Variants in WNT2B observed in about 807,000 individuals in gnomAD.
WNT2B encodes protein Wnt-2b.
Under a neutral mutation model 40.5 loss-of-function variants are expected in WNT2B, and 19 were observed. The observed-to-expected ratio is 0.47, with a 90% CI of 0.33 to 0.69. The LOEUF is 0.69. Among genes scored for constraint, WNT2B ranks in the 30% least tolerant of loss-of-function variants. WNT2B has a pLI of 0.02. For missense variants in WNT2B, 467 were observed against 556.4 expected (o/e 0.84, Z 1.62); for synonymous variants, 220 against 211.9 (o/e 1.04, Z -0.33).
chr1:112,476,889 G>T (rs917989662), intron 1 of WNT2B, among the ~76,000 whole-genome samples: 1 of 152,174 alleles, frequency 6.6e-6, no homozygotes, highest in Non-Finnish European at 1.5e-5. Context: ...GCTGCTACAT[G>T]TATGATGGAC....
intron 1 of WNT2B, among the ~76,000 whole-genome samples, chr1:112,503,265 AG>A (rs1177290776): frequency 6.6e-6 from 1 of 152,178 alleles, no homozygotes; most frequent in African/African-American, 2.4e-5. Flanking sequence ...TCGGTCCCAC[AG>A]AAGGAACTAG....
In WNT2B at chr1:112,525,954, A is replaced by G; in HGVS notation, c.*5445A>G. ...GTGAGGTAGGGGTTACTGTCACTTT[A>G]CAGATGCTGTTCAGAAAAATTTGGT... On this transcript the variant is annotated 3_prime_UTR_variant, in exon 5 of 5. Coordinates refer to ENST00000369684, the MANE Select transcript of WNT2B (RefSeq NM_024494.3). The G allele has an allele frequency of 1.2e-6, 2 of 1,607,694 alleles. No individual in the cohort carries two copies.
chr1:112,493,573 G>C (rs942064548), intron 1 of WNT2B, among the ~76,000 whole-genome samples: 1 of 151,816 alleles, frequency 6.6e-6, no homozygotes, highest in Non-Finnish European at 1.5e-5. Flanking sequence ...AATGAGCTGT[G>C]ATCACACCCT....
Position 112,517,030 on chromosome 1 carries a change from A to G in WNT2B, c.682-91A>G. ...GGCCAGCCAGGGCCAGGTCCAGCCT[A>G]TCTCAGAGCACTCATCCTTTTGGAC... On this transcript the variant is annotated intron_variant, in intron 3 of 4. Transcript: ENST00000369684. 6 of 1,526,164 alleles carry G rather than the reference A, an allele frequency of 3.9e-6. No homozygotes were observed. The East Asian group carries it at 9.1e-5, about 23-fold the overall frequency. The allele number at this position is 1,526,164 out of a possible 1,614,324, so 94.5% of individuals were successfully genotyped here. A position where few individuals can be genotyped will look rare whatever the true frequency, so the allele number is the denominator to read the frequency against.
rs1035272489 is a variant in WNT2B at position 112,526,522 on chromosome 1, C to G, written c.*6013C>G. 1.3e-5 allele frequency: 2 copies of G among 157,660 alleles called. No individual in the cohort carries two copies. The highest frequency in any genetic ancestry group is 4.8e-5 in the African/African-American group (2 of 41,576). 9.8% of individuals were successfully genotyped at this position (157,660 alleles called of 1,614,324 possible). ...TGGGAGGCCGAGGTGGGGCAGATCACGAGGTCAGGAGATTGAGACCATCCT... is the reference window on the plus strand; with the variant it reads ...TGGGAGGCCGAGGTGGGGCAGATCAGGAGGTCAGGAGATTGAGACCATCCT... On this transcript the variant is annotated 3_prime_UTR_variant, in exon 5 of 5. Transcript: ENST00000369684.
At chr1:112,508,703 C>T, upstream of WNT2B, 1 of 985,374 alleles carries the variant, frequency 1.0e-6, no homozygotes, top group Non-Finnish European at 1.2e-6. This position sits in a 1 kb window ranked among gnomAD's most constrained non-coding sequence, Gnocchi z 4.2. Flanking sequence ...CGCTAGGACC[C>T]GGTGGCGCGG....
intron 1 of WNT2B, among the ~76,000 whole-genome samples, chr1:112,512,318 A>G (rs1652382293): frequency 6.6e-6 from 1 of 152,204 alleles, no homozygotes; most frequent in South Asian, 2.1e-4. Flanking sequence ...ATTGAATTGA[A>G]CAAAACCGAC....
intron 1 of WNT2B, among the ~76,000 whole-genome samples, chr1:112,503,656 C>G (rs1224531973): frequency 1.3e-5 from 2 of 151,998 alleles, no homozygotes; most frequent in African/African-American, 4.8e-5. Context: ...GAGAGATACA[C>G]ACGGAGAGAC....
intron 1 of WNT2B, among the ~76,000 whole-genome samples, chr1:112,497,181 A>G (rs1326093349): frequency 1.3e-5 from 2 of 152,162 alleles, no homozygotes; most frequent in Non-Finnish European, 2.9e-5. Flanking sequence ...TTGCAAGTCC[A>G]TGCCTCAACG....
intron 1 of WNT2B, among the ~76,000 whole-genome samples, chr1:112,477,608 A>C (rs1651090517): frequency 6.6e-6 from 1 of 152,228 alleles, no homozygotes. Context: ...TGGTGGCTAC[A>C]AGAAGACACT....
chr1:112,523,228 T>G lies in WNT2B; in HGVS notation c.*2719T>G, dbSNP rs1652976262. 6.6e-6 allele frequency: 1 copy of G among 152,266 alleles called. No homozygotes were observed. The highest frequency in any genetic ancestry group is 2.4e-5 in the African/African-American group (1 of 41,462). 9.4% of individuals were successfully genotyped at this position (152,266 alleles called of 1,614,324 possible). On this transcript the variant is annotated 3_prime_UTR_variant, in exon 5 of 5. Transcript: ENST00000369684. ...GGCCTCTTCTGGCATCTCATGCTAC[T>G]CTGTGCTTTTCCTTGGGCTCCAAAT... is the stretch of plus-strand genomic sequence containing the variant.
chr1:112,516,458 G>C lies in WNT2B; in HGVS notation c.681+41G>C. 3 of 1,576,662 alleles carry C rather than the reference G, an allele frequency of 1.9e-6. No individual in the cohort carries two copies. The South Asian group carries it at 3.5e-5, about 19-fold the overall frequency. ...TGTGTAAGTACACTCATATTTGCTG[G>C]GGGTGACCAGTGTGTGTGACCATGG... On this transcript the variant is annotated intron_variant, in intron 3 of 4. Coordinates refer to ENST00000369684, the MANE Select transcript of WNT2B (RefSeq NM_024494.3).
rs775086012 is a variant in WNT2B at position 112,524,107 on chromosome 1, C to G, written c.*3598C>G. The G allele has an allele frequency of 6.6e-6, 1 of 152,542 alleles. No homozygotes were observed. Among genetic ancestry groups the G allele is most frequent in the African/African-American group, 2.4e-5 (1 of 41,444 alleles). The allele number at this position is 152,542 out of a possible 1,614,324, so 9.4% of individuals were successfully genotyped here. A position where few individuals can be genotyped will look rare whatever the true frequency, so the allele number is the denominator to read the frequency against. ...TTTCTGAACACTCACTGCTTCATTT[C>G]TATTCCTCCTGTTGCAGGGAGTAAT... On this transcript the variant is annotated 3_prime_UTR_variant, in exon 5 of 5. Transcript: ENST00000369684.
intron 1 of WNT2B, among the ~76,000 whole-genome samples, chr1:112,494,959 T>C (rs998861676): frequency 6.6e-6 from 1 of 151,610 alleles, no homozygotes; most frequent in Non-Finnish European, 1.5e-5. Context: ...CACATGCTTA[T>C]GTACAAGTGA....
At chr1:112,501,196 G>T (rs1651940549) in intron 1 of WNT2B, among the ~76,000 whole-genome samples, 1 of 152,156 alleles carries the variant, frequency 6.6e-6, no homozygotes, top group Non-Finnish European at 1.5e-5. Flanking sequence ...GATTAGACCG[G>T]GGTAATGGGG....
chr1:112,517,126 G>A lies in WNT2B; in HGVS notation c.687G>A (p.Val229=). Residue 229 remains valine (V), a synonymous_variant, in exon 4 of 5, where the codon GTG becomes GTA. Transcript: ENST00000369684. ...LHNNRCGRTA[V]RRFLKLECKC... is the part of the protein sequence containing the mutation. ...CTGCCTTCCCCCTCCCCCAGGCTGT[G>A]CGGCGGTTTCTGAAGCTGGAGTGTA... 6.2e-7 allele frequency: 1 copy of A among 1,611,020 alleles called. No individual in the cohort carries two copies. Among genetic ancestry groups the A allele is most frequent in the Non-Finnish European group, 8.5e-7 (1 of 1,177,570 alleles).
chr1:112,499,309 A>G (rs527255862), intron 1 of WNT2B, among the ~76,000 whole-genome samples: 1 of 152,182 alleles, frequency 6.6e-6, no homozygotes, highest in East Asian at 1.9e-4. Context: ...AACTTATTCT[A>G]TAAGTCCAGC....
At chr1:112,508,659 G>A, upstream of WNT2B, 1 of 960,378 alleles carries the variant, frequency 1.0e-6, no homozygotes, top group Non-Finnish European at 1.2e-6. The surrounding 1 kb of genome is among the most constrained non-coding windows in gnomAD (Gnocchi z 4.2). Flanking sequence ...CAGCCTGGCC[G>A]TCACCCATAG....
chr1:112,516,229 G>T lies in WNT2B; in HGVS notation c.493G>T (p.Val165Leu). ...TRACSQGELS[V>L]CSCDPYTRGR... is the part of the protein sequence containing the mutation. ...CGCCTGTAGCCAGGGTGAACTGAGTGTGTGCAGCTGTGACCCCTACACCCG... is the reference window on the plus strand; with the variant it reads ...CGCCTGTAGCCAGGGTGAACTGAGTTTGTGCAGCTGTGACCCCTACACCCG... The change falls in exon 3 of 5, where the codon GTG becomes TTG. Residue 165 changes from valine to leucine, a missense_variant. Coordinates refer to ENST00000369684, the MANE Select transcript of WNT2B (RefSeq NM_024494.3). The T allele has an allele frequency of 6.2e-7, 1 of 1,614,126 alleles. No individual in the cohort carries two copies. Among genetic ancestry groups the T allele is most frequent in the Non-Finnish European group, 8.5e-7 (1 of 1,180,024 alleles).
Sources: allele counts gnomAD v4.1 joint callset (sites outside exome capture counted in the v4.1 genomes callset), GRCh38; gene constraint gnomAD v4.1.1; non-coding constraint Gnocchi (gnomAD v3.1); transcripts MANE v1.5; gene names NCBI Gene and HGNC (gene_info 2026-07-23, HGNC 2026-07-21).